The following ABCD4 variants were observed in gnomAD, a reference collection of about 807,000 sequenced individuals.
ABCD4 encodes ATP binding cassette subfamily D member 4.
In ABCD4, 53 loss-of-function variants were observed where a neutral mutation model predicts 86.3. The observed-to-expected ratio is 0.61, with a 90% CI of 0.49 to 0.77. The LOEUF is 0.77. Ranked by LOEUF, ABCD4 falls within the 30% of genes least tolerant of loss-of-function variation. The probability of loss-of-function intolerance (pLI) is 0.00; values close to 1 mark genes in which losing one functional copy is unlikely to be tolerated. For missense variants in ABCD4, 757 were observed against 764.5 expected (o/e 0.99, Z 0.12); for synonymous variants, 328 against 313.6 (o/e 1.05, Z -0.49).
chr14:74,296,895 C>T (rs2083008448), intron 4 of ABCD4: 1 of 154,114 alleles, frequency 6.5e-6, no homozygotes, highest in African/African-American at 2.4e-5. Context: ...CACCTGTAGT[C>T]CCAGCTACTC....
chr14:74,295,708 T>C, intron 6 of ABCD4, 146 bp downstream of exon 6: 1 of 1,035,168 alleles, frequency 9.7e-7, no homozygotes, highest in Non-Finnish European at 1.4e-6. Context: ...ACAAGAACAT[T>C]GAAGCTTGGA....
At chr14:74,293,026 T>C (rs1038780778) in intron 8 of ABCD4, 128 bp downstream of exon 8, 6 of 1,438,602 alleles carry the variant, frequency 4.2e-6, no homozygotes, top group South Asian at 1.3e-5. Context: ...CAGCCCCCCC[T>C]CCTCATCCCC....
chr14:74,298,411 A>G (rs940135876), intron 3 of ABCD4, among the ~76,000 whole-genome samples: 2 of 152,158 alleles, frequency 1.3e-5, no homozygotes, highest in East Asian at 1.9e-4. Context: ...AGCTGGGATT[A>G]CAGGCATGCA....
chr14:74,299,560 A>G lies in ABCD4; in HGVS notation c.273T>C (p.Val91=). ...GGAAAGATCTTACCGTGGAGTTCAGAACAATGAGCATGACAGCCAGGAATG... is the reference window on the plus strand; with the variant it reads ...GGAAAGATCTTACCGTGGAGTTCAGGACAATGAGCATGACAGCCAGGAATG... ...TLTFLAVMLI[V]LNSTLKSFDQ... Residue 91 remains valine (V), a synonymous_variant, in exon 3 of 19, where the codon GTT becomes GTC. Coordinates refer to ENST00000356924, the MANE Select transcript of ABCD4 (RefSeq NM_005050.4). 1 of 1,613,812 alleles carries G rather than the reference A, an allele frequency of 6.2e-7. No individual in the cohort carries two copies. Among genetic ancestry groups the G allele is most frequent in the African/African-American group, 1.3e-5 (1 of 75,022 alleles).
rs751743231 is a variant in ABCD4 at position 74,295,871 on chromosome 14, C to T, written c.651G>A (p.Lys217=). ...PIVMKLVHQE[K]LEGDFRFKHM... ...AGACACACCTAAAATCTCCCTCCAG[C>T]TTCTCCTGATGCACCAGCTTCATCA... The change falls in exon 6 of 19, where the codon AAG becomes AAA. Residue 217 remains lysine, a synonymous_variant. Coordinates refer to ENST00000356924, the MANE Select transcript of ABCD4 (RefSeq NM_005050.4). 23 of 1,613,664 alleles carry T rather than the reference C, an allele frequency of 1.4e-5. No homozygotes were observed. The highest frequency in any genetic ancestry group is 1.9e-5 in the Non-Finnish European group (23 of 1,179,888).
chr14:74,292,157 G>A (rs1162909215), intron 11 of ABCD4, 130 bp downstream of exon 11: 7 of 806,510 alleles, frequency 8.7e-6, no homozygotes, highest in Non-Finnish European at 1.5e-5. Flanking sequence ...CATGTGCCTG[G>A]CATTCCATTT....
Position 74,291,009 on chromosome 14 carries a change from A to G in ABCD4, c.1119-510T>C, listed in dbSNP as rs117935406. 2.3e-3 allele frequency among the ~76,000 whole-genome samples: 343 copies of G among 152,136 alleles called. 20 individuals carry two copies. In the East Asian group the frequency reaches 0.06, roughly 27 times the overall value. ...CTTTAAAGAGATGATGTTAACATGA[A>G]GTTGTTGGGGTGGGACCCTAATCCA... On this transcript the variant is annotated intron_variant, in intron 11 of 18. Transcript: ENST00000356924.
chr14:74,288,020 A>G (rs975084643), intron 16 of ABCD4, 134 bp from the exon 17 acceptor site: 42 of 1,068,308 alleles, frequency 3.9e-5, no homozygotes, highest in Non-Finnish European at 2.2e-5. Flanking sequence ...TTCCCTTTCG[A>G]CCATAGGCCT....
intron 7 of ABCD4, 50 bp downstream of exon 7, chr14:74,295,098 C>CGA: frequency 6.2e-7 from 1 of 1,603,312 alleles, no homozygotes; most frequent in Non-Finnish European, 8.5e-7. Flanking sequence ...CTTTCCTTCT[C>CGA]CACTCTCAGC....
intron 6 of ABCD4, chr14:74,295,600 G>A: frequency 1.8e-6 from 1 of 567,716 alleles, no homozygotes; most frequent in Non-Finnish European, 3.0e-6. Flanking sequence ...TGACGATGGT[G>A]ATGGCCAGGC....
intron 1 of ABCD4, among the ~76,000 whole-genome samples, chr14:74,301,565 C>T (rs1331035818): frequency 6.6e-6 from 1 of 152,128 alleles, no homozygotes; most frequent in East Asian, 1.9e-4. Flanking sequence ...AAGGGAAAAC[C>T]CACGTTTAAT....
At chr14:74,286,677 G>T in intron 18 of ABCD4, 24 bp downstream of exon 18, 1 of 1,613,942 alleles carries the variant, frequency 6.2e-7, no homozygotes, top group South Asian at 1.1e-5. Context: ...CTCCTCCTCA[G>T]GCCATCCTTG....
At position 74,302,900 on chromosome 14, in the gene ABCD4, C is replaced by A. The variant is rs1338335115; in HGVS notation, c.13G>T (p.Gly5Trp). The change falls in exon 1 of 19, where the codon GGG becomes TGG. Residue 5 changes from glycine (G) to tryptophan (W), a missense_variant. Coordinates refer to ENST00000356924, the MANE Select transcript of ABCD4 (RefSeq NM_005050.4). MAVA[G>W]PAPGAGARPR... ...CTGGCGCCAGCTCCGGGCGCGGGCCCCGCGACCGCCATGACCTGAGACCCG... is the reference window on the plus strand; with the variant it reads ...CTGGCGCCAGCTCCGGGCGCGGGCCACGCGACCGCCATGACCTGAGACCCG... The A allele has an allele frequency of 6.2e-7, 1 of 1,607,666 alleles. No individual in the cohort carries two copies. The highest frequency in any genetic ancestry group is 8.5e-7 in the Non-Finnish European group (1 of 1,177,348).
At position 74,293,220 on chromosome 14, in the gene ABCD4, C is replaced by T. The variant is rs772030272; in HGVS notation, c.748G>A (p.Asp250Asn). The T allele has an allele frequency of 1.2e-6, 2 of 1,614,064 alleles. No homozygotes were observed. The highest frequency in any genetic ancestry group is 1.7e-6 in the Non-Finnish European group (2 of 1,180,038). The change falls in exon 8 of 19, where the codon GAC becomes AAC. Residue 250 changes from aspartate to asparagine, a missense_variant. Transcript: ENST00000356924. ...TGAAGGAGTCTCTGCAGCCTGCGGT[C>T]TGTCCTCATGTGCTCCACATGCCCA... is the stretch of plus-strand genomic sequence containing the variant. ...RAGHVEHMRT[D>N]RRLQRLLQTQ... is the part of the protein sequence containing the mutation.
intron 18 of ABCD4, 53 bp downstream of exon 18, chr14:74,286,648 C>CT: frequency 3.1e-6 from 5 of 1,613,122 alleles, no homozygotes; most frequent in Non-Finnish European, 4.2e-6. Context: ...CCTGGCCAGG[C>CT]TGAGCCTTTG....
intron 11 of ABCD4, 129 bp from the exon 12 acceptor site, chr14:74,290,628 T>C: frequency 1.5e-6 from 1 of 685,172 alleles, no homozygotes; most frequent in South Asian, 1.6e-5. Flanking sequence ...CAAAATCACA[T>C]GCTGAAGTCC....
rs1196758019 is a variant in ABCD4, at chr14:74,292,987, T to C, written c.815-118A>G. 9 of 1,508,158 alleles carry C rather than the reference T, an allele frequency of 6.0e-6. No homozygotes were observed. The highest frequency in any genetic ancestry group is 8.2e-6 in the Non-Finnish European group (9 of 1,101,836). 93.4% of individuals were successfully genotyped at this position (1,508,158 alleles called of 1,614,324 possible). A position where few individuals can be genotyped will look rare whatever the true frequency, so the allele number is the denominator to read the frequency against. ...GCCACGTGGACTCTCTGGATCCTCA[T>C]TCTCCTGAGGATACTCACAGAAAGG... On this transcript the variant is annotated intron_variant, in intron 8 of 18. Transcript: ENST00000356924.
chr14:74,296,308 A>G, intron 5 of ABCD4, 25 bp downstream of exon 5: 1 of 1,607,420 alleles, frequency 6.2e-7, no homozygotes, highest in South Asian at 1.1e-5. Flanking sequence ...GGGAAACACC[A>G]GGCTGGGGAG....
chr14:74,296,575 G>C (rs2082929159), intron 4 of ABCD4, 126 bp from the exon 5 acceptor site: 3 of 800,828 alleles, frequency 3.7e-6, no homozygotes, highest in South Asian at 3.3e-5. Context: ...TGACCCTATG[G>C]GAAGAGGGAA....
Sources: gnomAD v4.1 joint callset for allele counts (sites outside exome capture counted in the v4.1 genomes callset) on GRCh38, gnomAD v4.1.1 for gene constraint, MANE v1.5 for transcripts, NCBI Gene and HGNC (gene_info 2026-07-23, HGNC 2026-07-21) for gene names.